KCNMA1: variants seen among roughly 807,000 people sequenced by gnomAD.
KCNMA1 encodes the protein potassium calcium-activated channel subfamily M alpha 1.
Under a neutral mutation model 140.0 loss-of-function variants are expected in KCNMA1, and 29 were observed. The ratio of observed to expected loss-of-function variants is 0.21; its 90% confidence interval spans 0.15 to 0.28. The LOEUF (loss-of-function observed/expected upper bound fraction) is 0.28. KCNMA1 is among the 10% of genes least tolerant of loss of function. The pLI is 1.00. For missense variants in KCNMA1, 880 were observed against 1,602.2 expected (o/e 0.55, Z 7.70); for synonymous variants, 612 against 611.9 (o/e 1.00, Z 0.00).
chr10:76,889,525 T>C lies in KCNMA1; in HGVS notation c.3387A>G (p.Thr1129=), dbSNP rs1589612030. 6.2e-7 allele frequency: 1 copy of C among 1,614,112 alleles called. No homozygotes were observed. The highest frequency in any genetic ancestry group is 1.3e-5 in the African/African-American group (1 of 75,030). ...AAATTCCAAAACAAAGCATATTATA[T>C]GTTTTCAGAGCTTTGCAGAACAGAT... is the stretch of plus-strand genomic sequence containing the variant. ...YGDLFCKALK[T]YNMLCFGIYR... is the part of the protein sequence containing the mutation. The change falls in exon 27 of 28, where the codon ACA becomes ACG. Residue 1129 remains threonine, a synonymous_variant. Coordinates refer to ENST00000286628, the MANE Select transcript of KCNMA1 (RefSeq NM_001161352.2).
At chr10:77,448,611 G>A (rs1416802544) in intron 1 of KCNMA1, among the ~76,000 whole-genome samples, 1 of 152,176 alleles carries the variant, frequency 6.6e-6, no homozygotes, top group Non-Finnish European at 1.5e-5. Context: ...TCAGATGTGA[G>A]AAGGGAGGTT....
chr10:77,143,969 CTAG>C (rs759829112), intron 5 of KCNMA1, among the ~76,000 whole-genome samples: 12 of 152,102 alleles, frequency 7.9e-5, no homozygotes, highest in Non-Finnish European at 1.3e-4. Context: ...TCACACGTTG[CTAG>C]TAGAAGTGTA....
At chr10:77,351,434 G>C (rs1006196116) in intron 2 of KCNMA1, among the ~76,000 whole-genome samples, 8 of 152,144 alleles carry the variant, frequency 5.3e-5, no homozygotes, top group African/African-American at 1.9e-4. Flanking sequence ...AGATGATTTA[G>C]AACACAATGA....
intron 5 of KCNMA1, among the ~76,000 whole-genome samples, chr10:77,155,828 G>A (rs1353744382): frequency 6.6e-6 from 1 of 152,134 alleles, no homozygotes; most frequent in Non-Finnish European, 1.5e-5. Context: ...CTGACACAGT[G>A]AAACAATTAC....
chr10:77,038,747 C>T (rs2094483455), intron 15 of KCNMA1, among the ~76,000 whole-genome samples: 1 of 152,132 alleles, frequency 6.6e-6, no homozygotes, highest in Non-Finnish European at 1.5e-5. Flanking sequence ...CACTGTGTTG[C>T]CCAGGCTAGT....
chr10:77,154,669 T>C (rs981324487), intron 5 of KCNMA1, among the ~76,000 whole-genome samples: 5 of 152,182 alleles, frequency 3.3e-5, no homozygotes, highest in African/African-American at 1.2e-4. Flanking sequence ...GAGGCAGAGA[T>C]ATTTCATGCA....
chr10:77,002,935 C>G (rs1047854455), intron 18 of KCNMA1, among the ~76,000 whole-genome samples: 1 of 152,196 alleles, frequency 6.6e-6, no homozygotes, highest in African/African-American at 2.4e-5. Flanking sequence ...TTCCCCCACT[C>G]TTTCTTTTTC....
At chr10:77,295,757 C>T (rs191145276) in intron 2 of KCNMA1, among the ~76,000 whole-genome samples, 3,661 of 123,264 alleles carry the variant, frequency 0.03, 64 homozygotes, top group Middle Eastern at 0.071. Context: ...GTCCACAGTC[C>T]GGCCTGGGCG....
intron 1 of KCNMA1, among the ~76,000 whole-genome samples, chr10:77,448,776 T>A (rs1276215863): frequency 3.9e-5 from 6 of 152,194 alleles, no homozygotes; most frequent in Non-Finnish European, 8.8e-5. Flanking sequence ...TGAAAATGTA[T>A]CTTAATTTGA....
intron 1 of KCNMA1, among the ~76,000 whole-genome samples, chr10:77,415,562 G>C (rs2096722382): frequency 6.6e-6 from 1 of 152,234 alleles, no homozygotes; most frequent in South Asian, 2.1e-4. Context: ...GGGCAGACTG[G>C]GATATGGATA....
chr10:77,241,469 C>T (rs1055709587), intron 3 of KCNMA1, among the ~76,000 whole-genome samples: 27 of 139,116 alleles, frequency 1.9e-4, no homozygotes, highest in Middle Eastern at 7.3e-3. Context: ...CACAGTGAGA[C>T]CCCCCCATCT....
At chr10:77,073,797 T>C (rs1336936841) in intron 13 of KCNMA1, among the ~76,000 whole-genome samples, 1 of 152,008 alleles carries the variant, frequency 6.6e-6, no homozygotes, top group South Asian at 2.1e-4. Context: ...TTCTCACAAG[T>C]TGGAGGTGAC....
chr10:77,464,126 A>T (rs2097932413), intron 1 of KCNMA1, among the ~76,000 whole-genome samples: 1 of 152,186 alleles, frequency 6.6e-6, no homozygotes, highest in African/African-American at 2.4e-5. Flanking sequence ...TTCCTGGTCC[A>T]GCTATTGCTA....
intron 19 of KCNMA1, among the ~76,000 whole-genome samples, chr10:76,985,286 C>A (rs969278169): frequency 1.9e-4 from 29 of 152,304 alleles, no homozygotes; most frequent in Non-Finnish European, 2.6e-4. Flanking sequence ...AGGGATAGCT[C>A]TTTTTGCTCT....
At chr10:77,176,208 G>A (rs1317940308) in intron 5 of KCNMA1, among the ~76,000 whole-genome samples, 2 of 152,136 alleles carry the variant, frequency 1.3e-5, no homozygotes, top group Admixed American at 6.5e-5. Flanking sequence ...CCCATCCACC[G>A]CTTCCCTTAG....
At chr10:77,292,074 A>G (rs1400760305) in intron 2 of KCNMA1, among the ~76,000 whole-genome samples, 2 of 152,214 alleles carry the variant, frequency 1.3e-5, no homozygotes, top group African/African-American at 4.8e-5. Context: ...AACCCTGCAC[A>G]TATAAAAGTG....
intron 5 of KCNMA1, among the ~76,000 whole-genome samples, chr10:77,173,680 T>C (rs1003240762): frequency 6.6e-6 from 1 of 152,154 alleles, no homozygotes; most frequent in African/African-American, 2.4e-5. Flanking sequence ...TTTATTTCAC[T>C]ATTCTTATTC....
chr10:77,064,083 G>T, intron 14 of KCNMA1: 1 of 985,358 alleles, frequency 1.0e-6, no homozygotes, highest in Non-Finnish European at 1.2e-6. Context: ...TTTCTGTGCT[G>T]CCTTTCTCTT....
At chr10:76,998,894 T>C (rs1342958272) in intron 19 of KCNMA1, among the ~76,000 whole-genome samples, 1 of 152,222 alleles carries the variant, frequency 6.6e-6, no homozygotes, top group African/African-American at 2.4e-5. Context: ...TAACTTATTA[T>C]TAATGGTCAA....
Sources: gnomAD v4.1 joint callset for allele counts (sites outside exome capture counted in the v4.1 genomes callset) on GRCh38, gnomAD v4.1.1 for gene constraint, MANE v1.5 for transcripts, NCBI Gene and HGNC (gene_info 2026-07-23, HGNC 2026-07-21) for gene names.